EYA1: variants seen among roughly 807,000 people sequenced by gnomAD.
The protein encoded by EYA1 is protein phosphatase EYA1.
Under a neutral mutation model 82.0 loss-of-function variants are expected in EYA1, and 16 were observed. The observed-to-expected ratio is 0.20, with a 90% CI of 0.13 to 0.30. EYA1 has a LOEUF of 0.30. EYA1 is among the 10% of genes least tolerant of loss of function. The probability of loss-of-function intolerance (pLI) is 1.00; values close to 1 mark genes in which losing one functional copy is unlikely to be tolerated. For missense variants in EYA1, 633 were observed against 730.7 expected (o/e 0.87, Z 1.54); for synonymous variants, 261 against 264.4 (o/e 0.99, Z 0.12).
chr8:71,332,146 C>G (rs897646525), intron 4 of EYA1, among the ~76,000 whole-genome samples: 2 of 152,186 alleles, frequency 1.3e-5, no homozygotes, highest in Non-Finnish European at 2.9e-5. Context: ...AACCACCATG[C>G]CTGGCCAAAA....
intron 2 of EYA1, among the ~76,000 whole-genome samples, chr8:71,427,379 T>C (rs1024672139): frequency 1.3e-5 from 2 of 152,106 alleles, no homozygotes; most frequent in Non-Finnish European, 2.9e-5. Context: ...TTTTAAATGA[T>C]AACAATTAAA....
intron 9 of EYA1, among the ~76,000 whole-genome samples, chr8:71,291,633 T>C (rs879936599): frequency 1.3e-5 from 2 of 152,234 alleles, no homozygotes; most frequent in African/African-American, 2.4e-5. Flanking sequence ...ACCATTCACT[T>C]TTATCTTTGT....
At chr8:71,429,695 C>T (rs1303710682) in intron 2 of EYA1, among the ~76,000 whole-genome samples, 1 of 152,070 alleles carries the variant, frequency 6.6e-6, no homozygotes, top group Admixed American at 6.5e-5. Flanking sequence ...AGGTTATGAG[C>T]CCAGAATCTG....
At chr8:71,349,720 C>T (rs1826119554) in intron 3 of EYA1, among the ~76,000 whole-genome samples, 2 of 152,140 alleles carry the variant, frequency 1.3e-5, no homozygotes. Context: ...AACAGCCACC[C>T]AGAAGCTGAC....
chr8:71,262,609 G>A (rs1323162478), intron 11 of EYA1, among the ~76,000 whole-genome samples: 1 of 152,162 alleles, frequency 6.6e-6, no homozygotes, highest in Admixed American at 6.5e-5. Flanking sequence ...AGTGGTTAAG[G>A]AGCTGTGATG....
chr8:71,215,607 GC>G lies in EYA1; in HGVS notation c.1475+6del, dbSNP rs762036776. 77 of 1,610,396 alleles carry G rather than the reference GC, an allele frequency of 4.8e-5. No homozygotes were observed. Among genetic ancestry groups the G allele is most frequent in the Non-Finnish European group, 6.5e-5 (76 of 1,176,692 alleles). On this transcript the variant is annotated splice_donor_region_variant and intron_variant, in intron 15 of 17. Coordinates refer to ENST00000340726, the MANE Select transcript of EYA1 (RefSeq NM_000503.6). ...TTTCCTGGCAAAGACCCCGCAGAGA[GC>G]CTCACCGGGAGTGAATGAGCGAGAG...
intron 9 of EYA1, among the ~76,000 whole-genome samples, chr8:71,294,178 G>A (rs1181762131): frequency 2.6e-5 from 4 of 152,100 alleles, no homozygotes; most frequent in Admixed American, 1.3e-4. Context: ...AAAACACACC[G>A]GCCGGGCGCG....
At chr8:71,364,906 G>T (rs1220501900), upstream of EYA1, among the ~76,000 whole-genome samples, 1 of 130,858 alleles carries the variant, frequency 7.6e-6, no homozygotes, top group Non-Finnish European at 1.6e-5. Context: ...TAGTGTTTTA[G>T]GTTAAGGGCA....
chr8:71,462,866 T>C (rs776097434), intron 2 of EYA1, among the ~76,000 whole-genome samples: 6 of 152,152 alleles, frequency 3.9e-5, no homozygotes, highest in Non-Finnish European at 8.8e-5. Context: ...TAGCCACTCC[T>C]GGCACCATTG....
chr8:71,471,489 A>C (rs1329172974), intron 2 of EYA1, among the ~76,000 whole-genome samples: 1 of 152,088 alleles, frequency 6.6e-6, no homozygotes, highest in African/African-American at 2.4e-5. Context: ...ATACCTATAT[A>C]TAGGACATCT....
chr8:71,336,240 C>T (rs1341537771), intron 3 of EYA1, among the ~76,000 whole-genome samples: 1 of 152,168 alleles, frequency 6.6e-6, no homozygotes, highest in Non-Finnish European at 1.5e-5. Flanking sequence ...CAAGCTACTC[C>T]ACAACAAGGC....
chr8:71,438,670 G>T (rs1226587813), intron 2 of EYA1, among the ~76,000 whole-genome samples: 2 of 152,108 alleles, frequency 1.3e-5, no homozygotes, highest in African/African-American at 4.8e-5. Flanking sequence ...CAGATGGAGA[G>T]AAAGGAAGGA....
intron 1 of EYA1, among the ~76,000 whole-genome samples, chr8:71,543,535 T>C (rs1341499680): frequency 1.3e-5 from 2 of 152,208 alleles, no homozygotes; most frequent in Non-Finnish European, 2.9e-5. Context: ...TGATAGATGG[T>C]GACTGCCTTC....
intron 3 of EYA1, among the ~76,000 whole-genome samples, chr8:71,338,033 T>C (rs1824696934): frequency 6.6e-6 from 1 of 152,244 alleles, no homozygotes; most frequent in Non-Finnish European, 1.5e-5. Context: ...CATGCTTTTA[T>C]AGTCACTCTA....
chr8:71,201,166 G>T (rs913328866), intron 17 of EYA1, among the ~76,000 whole-genome samples: 4 of 149,374 alleles, frequency 2.7e-5, no homozygotes, highest in African/African-American at 9.9e-5. Context: ...TGGATATTGT[G>T]TTAGGCACTA....
intron 2 of EYA1, among the ~76,000 whole-genome samples, chr8:71,396,353 T>G (rs2129120039): frequency 6.6e-6 from 1 of 152,354 alleles, no homozygotes; most frequent in Admixed American, 6.5e-5. Context: ...GTGTTTGCTC[T>G]TGCTTTTCTA....
chr8:71,199,213 A>G lies in EYA1; in HGVS notation c.*127T>C. 1 of 719,078 alleles carries G rather than the reference A, an allele frequency of 1.4e-6. No individual in the cohort carries two copies. The highest frequency in any genetic ancestry group is 1.5e-5 in the South Asian group (1 of 67,100). 44.5% of individuals were successfully genotyped at this position (719,078 alleles called of 1,614,324 possible). ...ACCACAAAGGCAGAGGTCAAGACTG[A>G]CAGCAACTGCGCATCACCAGGCGGA... On this transcript the variant is annotated 3_prime_UTR_variant, in exon 18 of 18. Transcript: ENST00000340726.
At chr8:71,210,792 C>A (rs574446683) in intron 17 of EYA1, among the ~76,000 whole-genome samples, 1 of 152,222 alleles carries the variant, frequency 6.6e-6, no homozygotes, top group Non-Finnish European at 1.5e-5. Flanking sequence ...TCTTAGGCTG[C>A]GTCCAGGCTC....
Position 71,466,422 on chromosome 8 carries a change from A to T in EYA1, c.33+69322T>A, listed in dbSNP as rs7833745. Among the ~76,000 whole-genome samples, 1,405 of 152,278 alleles carry T rather than the reference A, an allele frequency of 9.2e-3. 27 individuals carry two copies. Among genetic ancestry groups the T allele is most frequent in the African/African-American group, 0.032 (1,339 of 41,578 alleles). On this transcript the variant is annotated intron_variant, in intron 2 of 18. Coordinates refer to the EYA1 transcript ENST00000643681. ...AGTAGTAGAAGAGAATAGCACTTAAAATTTACAGTTAACATGAGTGATATG... is the reference window on the plus strand; with the variant it reads ...AGTAGTAGAAGAGAATAGCACTTAATATTTACAGTTAACATGAGTGATATG...
Sources: gnomAD v4.1 joint callset for allele counts (sites outside exome capture counted in the v4.1 genomes callset) on GRCh38, gnomAD v4.1.1 for gene constraint, MANE v1.5 for transcripts, NCBI Gene and HGNC (gene_info 2026-07-23, HGNC 2026-07-21) for gene names.